Variants in COMMD6 observed in about 807,000 individuals in gnomAD.
The protein encoded by COMMD6 is COMM domain containing 6.
A neutral mutation model predicts 13.4 loss-of-function variants in COMMD6; 11 were observed. The ratio of observed to expected loss-of-function variants is 0.82; its 90% CI spans 0.52 to 1.36. COMMD6 has a LOEUF of 1.36. Ranked by LOEUF, COMMD6 falls within the 40% of genes most tolerant of loss-of-function variation. The pLI is 0.00. For synonymous variants in COMMD6, 43 were observed against 36.5 expected, an observed-to-expected ratio of 1.18 and a Z score of -0.64; for missense variants, 124 against 102.4, an observed-to-expected ratio of 1.21 and a Z score of -0.91.
chr13:75,540,156 A>G (rs1421091637), upstream of COMMD6, among the ~76,000 whole-genome samples: 2 of 151,880 alleles, frequency 1.3e-5, no homozygotes, highest in East Asian at 1.9e-4. Context: ...ATTTTAGTAG[A>G]GATGGGGTTT....
chr13:75,535,350 A>C (rs145764226), intron 2 of COMMD6, among the ~76,000 whole-genome samples: 2 of 152,344 alleles, frequency 1.3e-5, no homozygotes, highest in African/African-American at 4.8e-5. Flanking sequence ...AGCTCTGAGT[A>C]GCGGAGATAC....
chr13:75,544,793 A>C (rs1431971400), intron 1 of COMMD6, among the ~76,000 whole-genome samples: 1 of 151,782 alleles, frequency 6.6e-6, no homozygotes, highest in Non-Finnish European at 1.5e-5. Flanking sequence ...ATAAAATACA[A>C]AAAATTTGGT....
At chr13:75,531,289 G>A (rs1342575962) in intron 2 of COMMD6, among the ~76,000 whole-genome samples, 3 of 152,184 alleles carry the variant, frequency 2.0e-5, no homozygotes, top group African/African-American at 2.4e-5. Context: ...GGACTATGGT[G>A]AGGTAAAGAA....
chr13:75,535,169 G>C (rs1010018395), intron 2 of COMMD6, among the ~76,000 whole-genome samples: 2 of 152,134 alleles, frequency 1.3e-5, no homozygotes, highest in African/African-American at 4.8e-5. Flanking sequence ...AGAGCATTCT[G>C]GACTGAGGGA....
chr13:75,547,281 G>C (rs1446217301), intron 1 of COMMD6, among the ~76,000 whole-genome samples: 4 of 151,960 alleles, frequency 2.6e-5, no homozygotes, highest in South Asian at 4.1e-4. Context: ...GAAGAAGGCA[G>C]AGTATCACCT....
chr13:75,548,527 A>G (rs1379256870), intron 1 of COMMD6, among the ~76,000 whole-genome samples: 1 of 152,218 alleles, frequency 6.6e-6, no homozygotes, highest in Non-Finnish European at 1.5e-5. Context: ...GTTATCATTG[A>G]TAACTTCTGC....
intron 1 of COMMD6, among the ~76,000 whole-genome samples, chr13:75,547,562 A>C (rs2030924435): frequency 6.6e-6 from 1 of 152,202 alleles, no homozygotes; most frequent in South Asian, 2.1e-4. Context: ...TTGAATCAAA[A>C]TCTGCATTTC....
Position 75,525,989 on chromosome 13 carries a change from C to G in COMMD6, c.*600G>C, listed in dbSNP as rs191233370. 7.9e-4 allele frequency: 121 copies of G among 152,332 alleles called. No homozygotes were observed. The highest frequency in any genetic ancestry group is 2.8e-3 in the African/African-American group (116 of 41,578). The allele number at this position is 152,332 out of a possible 1,614,324, so 9.4% of individuals were successfully genotyped here. A position where few individuals can be genotyped will look rare whatever the true frequency, so the allele number is the denominator to read the frequency against. ...CAGACTAAAACTCGTCTTTCCAACT[C>G]TGCGTATGTATTTGAACTTTCTACA... On this transcript the variant is annotated 3_prime_UTR_variant, in exon 4 of 4. Transcript: ENST00000682242.
chr13:75,533,174 G>A (rs60356158), intron 2 of COMMD6, among the ~76,000 whole-genome samples: 1 of 151,818 alleles, frequency 6.6e-6, no homozygotes, highest in African/African-American at 2.4e-5. Context: ...CTCGTGATCC[G>A]CCCTGCCTCA....
At chr13:75,531,739 T>C (rs1283371913) in intron 2 of COMMD6, among the ~76,000 whole-genome samples, 1 of 152,154 alleles carries the variant, frequency 6.6e-6, no homozygotes, top group Non-Finnish European at 1.5e-5. Flanking sequence ...TGTGAGGCAA[T>C]GGGAAGTGTC....
At chr13:75,541,098 CT>C (rs2030818994), upstream of COMMD6, among the ~76,000 whole-genome samples, 2 of 152,136 alleles carry the variant, frequency 1.3e-5, no homozygotes, top group South Asian at 4.1e-4. Flanking sequence ...TAGGAAAATT[CT>C]GCCTCCCTAT....
chr13:75,533,545 G>A (rs1016139207), intron 2 of COMMD6, among the ~76,000 whole-genome samples: 7 of 147,848 alleles, frequency 4.7e-5, no homozygotes, highest in Middle Eastern at 3.5e-3. Context: ...CTCCAGCCTG[G>A]GCAACAGAGC....
At chr13:75,529,520 C>CAAAAAAAAAAA (rs58073558) in intron 3 of COMMD6, among the ~76,000 whole-genome samples, 2 of 104,632 alleles carry the variant, frequency 1.9e-5, no homozygotes, top group African/African-American at 7.4e-5. Flanking sequence ...GACTCCGTCT[C>CAAAAAAAAAAA]AAAAAAAAAA....
chr13:75,530,460 A>G, intron 2 of COMMD6, 194 bp from the exon 3 acceptor site: 1 of 390,626 alleles, frequency 2.6e-6, no homozygotes, highest in Non-Finnish European at 4.5e-6. Context: ...AGGGATATAA[A>G]CAGTTAAAAA....
intron 2 of COMMD6, among the ~76,000 whole-genome samples, chr13:75,536,587 C>T (rs1185381216): frequency 6.6e-6 from 1 of 152,084 alleles, no homozygotes; most frequent in Non-Finnish European, 1.5e-5. Flanking sequence ...GGCAATGTGA[C>T]AACGGAAGCA....
Position 75,537,825 on chromosome 13 carries a change from C to A in COMMD6, c.-20G>T, listed in dbSNP as rs778412809. 1.3e-6 allele frequency: 2 copies of A among 1,586,786 alleles called. No individual in the cohort carries two copies. Among genetic ancestry groups the A allele is most frequent in the Non-Finnish European group, 1.7e-6 (2 of 1,164,220 alleles). Reference sequence around the variant, plus strand: ...CTCCATGGGCAGCGTCTGGGACTTGCGGCCCGGACTCGAGAGAACGCCCCC... The same window carrying A: ...CTCCATGGGCAGCGTCTGGGACTTGAGGCCCGGACTCGAGAGAACGCCCCC... On this transcript the variant is annotated 5_prime_UTR_variant, in exon 1 of 4. Coordinates refer to ENST00000682242, the MANE Select transcript of COMMD6 (RefSeq NM_203495.4).
At chr13:75,535,653 G>A (rs577121626) in intron 2 of COMMD6, among the ~76,000 whole-genome samples, 12 of 152,238 alleles carry the variant, frequency 7.9e-5, no homozygotes, top group African/African-American at 2.2e-4. Flanking sequence ...CTCTGTATTC[G>A]CAGTCTGTCT....
chr13:75,540,603 G>A (rs1319825094), upstream of COMMD6, among the ~76,000 whole-genome samples: 3 of 152,150 alleles, frequency 2.0e-5, no homozygotes. Flanking sequence ...CCAGCAACAC[G>A]TGATAAACTG....
At chr13:75,537,433 G>C in intron 2 of COMMD6, 1 of 1,551,324 alleles carries the variant, frequency 6.4e-7, no homozygotes. Context: ...AACAATCCTT[G>C]ATCTGCATTC....
Sources: gnomAD v4.1 joint callset for allele counts (sites outside exome capture counted in the v4.1 genomes callset) on GRCh38, gnomAD v4.1.1 for gene constraint, MANE v1.5 for transcripts, NCBI Gene and HGNC (gene_info 2026-07-23, HGNC 2026-07-21) for gene names.